Variants in LRRC43 observed in about 807,000 individuals in gnomAD.
LRRC43 encodes leucine-rich repeat-containing protein 43.
LRRC43 carries 62 observed loss-of-function variants against 64.3 expected under a neutral mutation model. That is an observed-to-expected ratio of 0.96 (90% CI 0.79 to 1.19). The LOEUF (loss-of-function observed/expected upper bound fraction) is 1.19. Among genes scored for constraint, LRRC43 ranks in the 50% most tolerant of loss-of-function variants. The pLI, the probability that LRRC43 is intolerant of heterozygous loss-of-function variation, is 0.00. For synonymous variants in LRRC43, 422 were observed against 382.3 expected (o/e 1.10, Z -1.21); for missense variants, 868 against 845.0 (o/e 1.03, Z -0.34).
rs553742228 is a variant in LRRC43 at position 122,186,142 on chromosome 12, G to A, written c.412-48G>A. 8.4e-5 allele frequency: 88 copies of A among 1,049,562 alleles called. 3 individuals carry two copies. In the South Asian group the frequency reaches 9.3e-4, roughly 11 times the overall value. 65.0% of individuals were successfully genotyped at this position (1,049,562 alleles called of 1,614,324 possible). On this transcript the variant is annotated intron_variant, in intron 2 of 11. Transcript: ENST00000339777. ...TAATGTGGACATGGGTTCTGTGCCC[G>A]TGCTCCCTCTCCTGCTACAGCCCTC...
intron 4 of LRRC43, among the ~76,000 whole-genome samples, chr12:122,188,199 C>T (rs899963295): frequency 6.6e-6 from 1 of 152,098 alleles, no homozygotes; most frequent in Non-Finnish European, 1.5e-5. Flanking sequence ...CTCCGCCTGC[C>T]GGGTTCACGC....
chr12:122,183,517 C>G (rs1280604998), intron 1 of LRRC43, among the ~76,000 whole-genome samples: 1 of 152,212 alleles, frequency 6.6e-6, no homozygotes, highest in Non-Finnish European at 1.5e-5. Context: ...CTGACCTGGG[C>G]TGGGGCCTCT....
At position 122,186,062 on chromosome 12, in the gene LRRC43, A is replaced by C. The variant is rs1593145579; in HGVS notation, c.412-128A>C. The C allele has an allele frequency of 4.7e-6, 3 of 640,790 alleles. No homozygotes were observed. In the South Asian group the frequency reaches 5.5e-5, roughly 12 times the overall value. The allele number at this position is 640,790 out of a possible 1,614,324, so 39.7% of individuals were successfully genotyped here. A position where few individuals can be genotyped will look rare whatever the true frequency, so the allele number is the denominator to read the frequency against. On this transcript the variant is annotated intron_variant, in intron 2 of 11. Coordinates refer to ENST00000339777, the MANE Select transcript of LRRC43 (RefSeq NM_001098519.2). ...TGCAGTGCAGGAACGGCTTCCGGGG[A>C]GCAGGGGGTGGGAAGGGAGGGGAAG...
At chr12:122,198,672 C>T (rs903756562) in intron 7 of LRRC43, among the ~76,000 whole-genome samples, 5 of 146,322 alleles carry the variant, frequency 3.4e-5, no homozygotes, top group African/African-American at 1.0e-4. Flanking sequence ...TCTTGTCACC[C>T]AGGCTGGAGG....
intron 5 of LRRC43, among the ~76,000 whole-genome samples, chr12:122,191,166 A>C (rs1160036396): frequency 6.6e-6 from 1 of 152,112 alleles, no homozygotes; most frequent in African/African-American, 2.4e-5. Context: ...TCCCATATAC[A>C]GATCAGGAAA....
At chr12:122,203,236 A>G in intron 11 of LRRC43, 79 bp from the exon 12 acceptor site, 1 of 1,535,486 alleles carries the variant, frequency 6.5e-7, no homozygotes. Context: ...CAGGGCTTGC[A>G]TATGGGATGG....
intron 1 of LRRC43, among the ~76,000 whole-genome samples, chr12:122,171,058 T>G (rs892718303): frequency 6.6e-6 from 1 of 152,194 alleles, no homozygotes; most frequent in Non-Finnish European, 1.5e-5. Context: ...GACTTAACAT[T>G]GATTCAAATG....
intron 11 of LRRC43, 136 bp from the exon 12 acceptor site, chr12:122,203,179 C>A: frequency 1.3e-6 from 1 of 766,160 alleles, no homozygotes; most frequent in Non-Finnish European, 2.1e-6. Flanking sequence ...TTTCTTATTA[C>A]TGTTAACACC....
In LRRC43 at chr12:122,191,398, C is replaced by T. The variant is rs549383702; in HGVS notation, c.920C>T (p.Ala307Val). ...CCTGCAGATCTCTTGGCACAGGAGG[C>T]GCAGTTTGTGGTGACCATCGGAAAC... ...SLNGDLLAQE[A>V]QFVVTIGNIR... The change falls in exon 6 of 12, where the codon GCG (alanine) becomes GTG (valine). Residue 307 changes from alanine to valine, a missense_variant. Transcript: ENST00000339777. The T allele has an allele frequency of 1.1e-5, 17 of 1,611,896 alleles. No homozygotes were observed. In the South Asian group the frequency reaches 1.1e-4, roughly 10 times the overall value.
At chr12:122,183,763 G>A (rs985542493) in intron 1 of LRRC43, among the ~76,000 whole-genome samples, 1 of 152,112 alleles carries the variant, frequency 6.6e-6, no homozygotes, top group African/African-American at 2.4e-5. Flanking sequence ...CTTCCCTCCC[G>A]TGGCTTCAAC....
chr12:122,198,928 C>T (rs1268522080), intron 7 of LRRC43, among the ~76,000 whole-genome samples: 1 of 151,688 alleles, frequency 6.6e-6, no homozygotes, highest in Non-Finnish European at 1.5e-5. Flanking sequence ...CCACTGAGCC[C>T]GGCCCATATC....
chr12:122,184,844 G>A lies in LRRC43; in HGVS notation c.411+65G>A. 6.6e-7 allele frequency: 1 copy of A among 1,517,290 alleles called. No homozygotes were observed. Among genetic ancestry groups the A allele is most frequent in the Admixed American group, 2.0e-5 (1 of 50,588 alleles). The allele number at this position is 1,517,290 out of a possible 1,614,324, so 94.0% of individuals were successfully genotyped here. ...GCTCCCCTAAGGGAGGTTGTGGGGA[G>A]GGCACCCTTCCCCACAGCGCGTCAG... On this transcript the variant is annotated intron_variant, in intron 2 of 11. Transcript: ENST00000339777. The surrounding 1 kb of genome is among the most constrained non-coding windows in gnomAD (Gnocchi z 4.0).
intron 1 of LRRC43, among the ~76,000 whole-genome samples, chr12:122,183,780 G>A (rs1953609037): frequency 1.3e-5 from 2 of 152,102 alleles, no homozygotes; most frequent in South Asian, 4.1e-4. Context: ...CAACCACGAG[G>A]GGCGCCCAGG....
chr12:122,188,624 A>G (rs1407524475), intron 4 of LRRC43, among the ~76,000 whole-genome samples: 1 of 151,644 alleles, frequency 6.6e-6, no homozygotes, highest in East Asian at 1.9e-4. Context: ...TATTTTTAGT[A>G]GAGACGGGGT....
intron 4 of LRRC43, among the ~76,000 whole-genome samples, chr12:122,188,163 T>C (rs765035093): frequency 6.6e-6 from 1 of 152,160 alleles, no homozygotes; most frequent in African/African-American, 2.4e-5. Context: ...CTGGAGCGCA[T>C]TGGCGCCATC....
intron 1 of LRRC43, chr12:122,172,816 G>T: frequency 8.4e-7 from 1 of 1,185,072 alleles, no homozygotes; most frequent in Non-Finnish European, 1.2e-6. Context: ...ATGTTTGCAT[G>T]CTTCCTCCGT....
At chr12:122,179,985 A>G (rs1465258261), upstream of LRRC43, among the ~76,000 whole-genome samples, 2 of 151,730 alleles carry the variant, frequency 1.3e-5, no homozygotes, top group East Asian at 3.9e-4. Flanking sequence ...AAAAAAAAAA[A>G]AAAGAGAGAG....
upstream of LRRC43, among the ~76,000 whole-genome samples, chr12:122,182,056 T>C (rs900810245): frequency 6.6e-6 from 1 of 152,004 alleles, no homozygotes; most frequent in Non-Finnish European, 1.5e-5. Flanking sequence ...GTGATTAAGT[T>C]TGGGGGCTCC....
chr12:122,177,476 A>AGTGTGTGT (rs67103998), intron 1 of LRRC43, among the ~76,000 whole-genome samples: 11,023 of 143,438 alleles, frequency 0.077, 520 homozygotes, highest in Non-Finnish European at 0.11. Flanking sequence ...TGAGAGAGAA[A>AGTGTGTGT]GTGTGTGTGT....
Sources: allele counts gnomAD v4.1 joint callset (sites outside exome capture counted in the v4.1 genomes callset), GRCh38; gene constraint gnomAD v4.1.1; non-coding constraint Gnocchi (gnomAD v3.1); transcripts MANE v1.5; gene names NCBI Gene and HGNC (gene_info 2026-07-23, HGNC 2026-07-21).